Variants in ARHGEF3 observed in about 807,000 individuals in gnomAD.
ARHGEF3 encodes Rho guanine nucleotide exchange factor 3, also known as 59.8 kDA protein.
Under a neutral mutation model 63.2 loss-of-function variants are expected in ARHGEF3, and 28 were observed. That is an observed-to-expected ratio of 0.44 (90% CI 0.33 to 0.61). The LOEUF (loss-of-function observed/expected upper bound fraction) is 0.61. ARHGEF3 is among the 20% of genes least tolerant of loss of function. ARHGEF3 has a pLI of 0.03. For missense variants in ARHGEF3, 533 were observed against 659.3 expected, an observed-to-expected ratio of 0.81 and a Z score of 2.10; for synonymous variants, 266 against 254.2, an observed-to-expected ratio of 1.05 and a Z score of -0.44.
chr3:56,801,938 C>T lies in ARHGEF3; in HGVS notation c.-140G>A, dbSNP rs367777482. ...GACCGACAGCCGGCTTCTAGCCGGG[C>T]AGGACTCGACTGGGCTCCGGAGCCG... On this transcript the variant is annotated 5_prime_UTR_variant, in exon 1 of 10. Coordinates refer to ENST00000296315, the MANE Select transcript of ARHGEF3 (RefSeq NM_019555.3). 19 of 1,533,910 alleles carry T rather than the reference C, an allele frequency of 1.2e-5. No individual in the cohort carries two copies. The East Asian group carries it at 2.2e-4, about 18-fold the overall frequency.
chr3:56,761,581 T>C lies in ARHGEF3; in HGVS notation c.205-6430A>G, dbSNP rs943165097. ...ATTCACTGATGGATTCATCAGCAAC[T>C]GATATAGTAAGACCTCAACAACTTT... On this transcript the variant is annotated intron_variant, in intron 2 of 9. Transcript: ENST00000296315. Among the ~76,000 whole-genome samples the C allele has an allele frequency of 5.9e-5, 9 of 152,292 alleles. 1 individual carries two copies. Among genetic ancestry groups the C allele is most frequent in the South Asian group, 4.1e-4 (2 of 4,828 alleles).
At chr3:56,994,804 C>G (rs895346365) in intron 2 of ARHGEF3, among the ~76,000 whole-genome samples, 1 of 152,158 alleles carries the variant, frequency 6.6e-6, no homozygotes, top group Non-Finnish European at 1.5e-5. Context: ...ATCTGTGTCT[C>G]TGAATCTCAT....
At chr3:56,930,309 A>G (rs57088080) in intron 3 of ARHGEF3, among the ~76,000 whole-genome samples, 2 of 152,216 alleles carry the variant, frequency 1.3e-5, no homozygotes, top group East Asian at 1.9e-4. Flanking sequence ...CAATAGTTGC[A>G]TGAGTTTGTT....
chr3:56,751,352 T>C lies in ARHGEF3; in HGVS notation c.483A>G (p.Gln161=), dbSNP rs781356566. 28 of 1,614,024 alleles carry C rather than the reference T, an allele frequency of 1.7e-5. No homozygotes were observed. Among genetic ancestry groups the C allele is most frequent in the Middle Eastern group, 3.3e-4 (2 of 6,084 alleles). ...PMLKLSIMTE[Q]ELNQIFGTLD... The stretch of plus-strand genomic sequence containing the variant: ...GTGTTCCAAAAATTTGATTCAACTC[T>C]TGTTCTGTCATTATGGAGAGTTTCA... Residue 161 remains glutamine, a synonymous_variant, in exon 5 of 10, where the codon CAA becomes CAG. Coordinates refer to ENST00000296315, the MANE Select transcript of ARHGEF3 (RefSeq NM_019555.3).
At chr3:57,013,257 C>T (rs11928347) in intron 2 of ARHGEF3, among the ~76,000 whole-genome samples, 29,027 of 152,188 alleles carry the variant, frequency 0.19, 3,164 homozygotes, top group East Asian at 0.37. Flanking sequence ...TACAGGCATG[C>T]GGTGTGGGAC....
At chr3:56,881,272 A>C (rs2040755677) in intron 4 of ARHGEF3, among the ~76,000 whole-genome samples, 1 of 152,210 alleles carries the variant, frequency 6.6e-6, no homozygotes, top group Non-Finnish European at 1.5e-5. Flanking sequence ...CTAGCATGGA[A>C]GGCTTCTCAT....
chr3:56,786,885 T>C (rs1274430812), intron 1 of ARHGEF3, among the ~76,000 whole-genome samples: 1 of 148,092 alleles, frequency 6.8e-6, no homozygotes, highest in Non-Finnish European at 1.5e-5. Flanking sequence ...AACCTGTGAT[T>C]TGGTTGTTGG....
intron 2 of ARHGEF3, among the ~76,000 whole-genome samples, chr3:56,989,397 G>A (rs546904867): frequency 1.3e-5 from 2 of 152,292 alleles, no homozygotes; most frequent in East Asian, 3.9e-4. Flanking sequence ...GTGTCCACAG[G>A]TGGCCCACAG....
intron 4 of ARHGEF3, among the ~76,000 whole-genome samples, chr3:56,840,178 T>C (rs1306273876): frequency 6.6e-6 from 1 of 152,188 alleles, no homozygotes; most frequent in African/African-American, 2.4e-5. Flanking sequence ...ACAAGCTTTC[T>C]CTGCTAGACT....
At chr3:56,910,052 A>G (rs1295190269) in intron 3 of ARHGEF3, among the ~76,000 whole-genome samples, 1 of 152,186 alleles carries the variant, frequency 6.6e-6, no homozygotes, top group African/African-American at 2.4e-5. Context: ...ACTTATAAGC[A>G]TAAGAGTAAA....
intron 3 of ARHGEF3, among the ~76,000 whole-genome samples, chr3:56,934,578 A>G (rs2042501469): frequency 6.6e-6 from 1 of 152,220 alleles, no homozygotes; most frequent in Admixed American, 6.5e-5. Flanking sequence ...CGGCTCTGCC[A>G]GCCCAGGGCA....
intron 3 of ARHGEF3, among the ~76,000 whole-genome samples, chr3:56,884,611 T>A (rs1275904136): frequency 1.3e-5 from 2 of 152,246 alleles, no homozygotes; most frequent in African/African-American, 4.8e-5. Flanking sequence ...GGAATCTGGA[T>A]TAACAAGCTC....
At chr3:56,785,939 A>C (rs1212827367) in intron 1 of ARHGEF3, among the ~76,000 whole-genome samples, 4 of 152,184 alleles carry the variant, frequency 2.6e-5, no homozygotes, top group African/African-American at 9.7e-5. Context: ...TTTGACAAGA[A>C]CAACGGTTTT....
intron 4 of ARHGEF3, among the ~76,000 whole-genome samples, chr3:56,845,018 G>C (rs1419615626): frequency 1.3e-5 from 2 of 152,222 alleles, no homozygotes; most frequent in African/African-American, 4.8e-5. Flanking sequence ...GAAGCAAGAG[G>C]CCATGTTGAA....
At chr3:56,756,145 C>T (rs2035054562) in intron 2 of ARHGEF3, among the ~76,000 whole-genome samples, 1 of 152,196 alleles carries the variant, frequency 6.6e-6, no homozygotes, top group South Asian at 2.1e-4. Flanking sequence ...TACCAAAATG[C>T]TTTTCATGAC....
intron 6 of ARHGEF3, among the ~76,000 whole-genome samples, chr3:56,746,773 C>G (rs764038936): frequency 6.6e-6 from 1 of 151,930 alleles, no homozygotes; most frequent in Non-Finnish European, 1.5e-5. Flanking sequence ...TAAAGTATGG[C>G]AGCATCTGAA....
In ARHGEF3 at chr3:56,729,359, C is replaced by T. The variant is rs2107673811; in HGVS notation, c.1492G>A (p.Asp498Asn). 6.2e-7 allele frequency: 1 copy of T among 1,614,110 alleles called. No homozygotes were observed. Among genetic ancestry groups the T allele is most frequent in the East Asian group, 2.2e-5 (1 of 44,880 alleles). ...CAGTCGAGGCTGACCTCACTCGTGT[C>T]CATACTACAGTCTGACTCACTGTCC... ...QSDSESDCSM[D>N]TSEVSLDCER... Residue 498 changes from aspartate (D) to asparagine (N), a missense_variant, in exon 10 of 10, where the codon GAC becomes AAC. Physicochemically the swap from Asp to Asn is conservative, Grantham distance 23 (BLOSUM62 1). Around this residue, in one of 4 missense-constraint regions of ARHGEF3, gnomAD observed 115 missense variants for 103.4 expected, o/e 1.11. Transcript: ENST00000296315.
At chr3:56,917,904 C>G (rs1386718771) in intron 3 of ARHGEF3, among the ~76,000 whole-genome samples, 1 of 152,204 alleles carries the variant, frequency 6.6e-6, no homozygotes, top group Non-Finnish European at 1.5e-5. Flanking sequence ...TTCAGGCAAG[C>G]ATCTGGGTCA....
intron 1 of ARHGEF3, among the ~76,000 whole-genome samples, chr3:57,046,073 C>T (rs530057417): frequency 1.3e-5 from 2 of 152,250 alleles, no homozygotes; most frequent in South Asian, 2.1e-4. Context: ...CTAAATAATG[C>T]TTTATGAAAT....
Sources: allele counts gnomAD v4.1 joint callset (sites outside exome capture counted in the v4.1 genomes callset), GRCh38; gene constraint gnomAD v4.1.1; regional missense constraint gnomAD v4.1.1; transcripts MANE v1.5; gene names NCBI Gene and HGNC (gene_info 2026-07-23, HGNC 2026-07-21).